The following MAP2 variants were observed in gnomAD, a reference collection of about 807,000 sequenced individuals.
MAP2 encodes microtubule-associated protein 2.
MAP2 carries 14 observed loss-of-function variants against 137.6 expected under a neutral mutation model. That is an observed-to-expected ratio of 0.10 (90% CI 0.07 to 0.16). The LOEUF (loss-of-function observed/expected upper bound fraction) is 0.16. Among genes scored for constraint, MAP2 ranks in the 10% least tolerant of loss-of-function variants. The pLI, the probability that MAP2 is intolerant of heterozygous loss-of-function variation, is 1.00. For missense variants in MAP2, 2,088 were observed against 2,191.5 expected, an observed-to-expected ratio of 0.95 and a Z score of 0.94; for synonymous variants, 786 against 782.3, an observed-to-expected ratio of 1.00 and a Z score of -0.08.
rs771841686 is a variant in MAP2, at chr2:209,723,546, G to A, written c.5074-2163G>A. ...TACCCATTCTGGTTCCCTTTATCCA[G>A]CATCTTGATAGAAAAATGCACAGTG... On this transcript the variant is annotated intron_variant, in intron 13 of 15. Transcript: ENST00000682079. 4.7e-6 allele frequency: 5 copies of A among 1,065,080 alleles called. No homozygotes were observed. The Admixed American group carries it at 5.1e-5, about 11-fold the overall frequency. The allele number at this position is 1,065,080 out of a possible 1,614,324, so 66.0% of individuals were successfully genotyped here. A position where few individuals can be genotyped will look rare whatever the true frequency, so the allele number is the denominator to read the frequency against.
At chr2:209,545,930 G>A (rs2067963564) in intron 2 of MAP2, among the ~76,000 whole-genome samples, 2 of 152,164 alleles carry the variant, frequency 1.3e-5, no homozygotes, top group Admixed American at 6.5e-5. Flanking sequence ...CATGAGGTCA[G>A]GAGATTGAGA....
At chr2:209,508,001 G>A (rs12993084) in intron 2 of MAP2, among the ~76,000 whole-genome samples, 8,796 of 152,084 alleles carry the variant, frequency 0.058, 290 homozygotes, top group South Asian at 0.092. Context: ...TCCTGAATTT[G>A]CAGGAAAACA....
At chr2:209,710,440 A>G (rs1030383803) in intron 13 of MAP2, 186 bp downstream of exon 13, 3 of 586,940 alleles carry the variant, frequency 5.1e-6, no homozygotes, top group African/African-American at 1.9e-5. Context: ...ATCACATGAC[A>G]TGCCCATTCC....
intron 3 of MAP2, among the ~76,000 whole-genome samples, chr2:209,597,580 AATC>A (rs2081615036): frequency 6.6e-6 from 1 of 152,148 alleles, no homozygotes; most frequent in South Asian, 2.1e-4. Flanking sequence ...AATACAATCT[AATC>A]ATGATATTTC....
chr2:209,704,614 G>C, intron 11 of MAP2: 3 of 1,600,978 alleles, frequency 1.9e-6, no homozygotes, highest in Non-Finnish European at 2.6e-6. Context: ...CAAAATCAGG[G>C]AACAAGGTAA....
intron 7 of MAP2, among the ~76,000 whole-genome samples, chr2:209,687,502 T>A (rs1299243429): frequency 6.6e-6 from 1 of 152,080 alleles, no homozygotes; most frequent in East Asian, 1.9e-4. Context: ...AATGGCAAAC[T>A]TGCTTAAGGG....
In MAP2 at chr2:209,490,648, A is replaced by G. The variant is rs1215006917; in HGVS notation, c.-221-16944A>G. Among the ~76,000 whole-genome samples the G allele has an allele frequency of 2.1e-5, 3 of 146,322 alleles. 1 individual carries two copies. The highest frequency in any genetic ancestry group is 1.4e-4 in the Admixed American group (2 of 14,510). ...AAAAAAAAAAAAAGCAGGGATGGCA[A>G]TCCTAGTCTCTGATAAAACAGACTT... On this transcript the variant is annotated intron_variant, in intron 1 of 15. Transcript: ENST00000682079.
At chr2:209,463,685 C>T (rs1356015181) in intron 1 of MAP2, among the ~76,000 whole-genome samples, 2 of 152,042 alleles carry the variant, frequency 1.3e-5, no homozygotes, top group Non-Finnish European at 2.9e-5. Flanking sequence ...CCTAAACTGC[C>T]CAGGATAAAA....
intron 2 of MAP2, among the ~76,000 whole-genome samples, chr2:209,529,469 A>G (rs1210200056): frequency 2.0e-5 from 3 of 152,148 alleles, no homozygotes; most frequent in Admixed American, 6.6e-5. Context: ...AGAAAAGCAT[A>G]TATCTCCTAT....
chr2:209,723,239 C>G (rs2072105592), intron 13 of MAP2, among the ~76,000 whole-genome samples: 1 of 152,190 alleles, frequency 6.6e-6, no homozygotes, highest in Non-Finnish European at 1.5e-5. Context: ...GTATTAACCA[C>G]TATTGAACCT....
intron 5 of MAP2, among the ~76,000 whole-genome samples, chr2:209,668,940 C>G (rs1158835436): frequency 1.3e-5 from 2 of 151,994 alleles, no homozygotes. Flanking sequence ...ATTACTGAAA[C>G]ATGATTATCT....
chr2:209,595,952 T>C (rs1234904270), intron 3 of MAP2, among the ~76,000 whole-genome samples: 3 of 152,000 alleles, frequency 2.0e-5, no homozygotes, highest in Non-Finnish European at 2.9e-5. Flanking sequence ...TCAGGGCCTG[T>C]CATGGGGTAG....
intron 7 of MAP2, among the ~76,000 whole-genome samples, chr2:209,692,060 C>T (rs556539496): frequency 1.3e-5 from 2 of 152,126 alleles, no homozygotes; most frequent in African/African-American, 4.8e-5. Flanking sequence ...TTGGCCCTGA[C>T]ATTTGTTAAT....
chr2:209,713,362 G>A (rs1464202174), intron 13 of MAP2, among the ~76,000 whole-genome samples: 1 of 152,124 alleles, frequency 6.6e-6, no homozygotes, highest in Non-Finnish European at 1.5e-5. Flanking sequence ...TTCTGTTAAG[G>A]TCCAATTTCT....
intron 1 of MAP2, among the ~76,000 whole-genome samples, chr2:209,450,077 G>C (rs1387132763): frequency 2.0e-5 from 3 of 152,072 alleles, no homozygotes; most frequent in African/African-American, 7.2e-5. Context: ...GAGTAGCTGG[G>C]ACTACAGACA....
chr2:209,694,065 C>T lies in MAP2; in HGVS notation c.1895C>T (p.Ala632Val), dbSNP rs757577771. 20 of 1,613,008 alleles carry T rather than the reference C, an allele frequency of 1.2e-5. No homozygotes were observed. The Admixed American group carries it at 2.8e-4, about 23-fold the overall frequency. ...AAAGAATCCCAGCCCAGTCCTCCAG[C>T]ACAAGAAGCAGGGTACAGCACTCTC... The part of the protein sequence containing the change: ...TGKESQPSPP[A>V]QEAGYSTLAQ... Residue 632 changes from alanine to valine, a missense_variant, in exon 8 of 16, where the codon GCA (alanine) becomes GTA (valine). Physicochemically the swap from Ala to Val is moderately conservative, Grantham distance 64. Around this residue, in one of 6 missense-constraint regions of MAP2, gnomAD observed 859 missense variants for 794.5 expected, o/e 1.08. Transcript: ENST00000682079.
At chr2:209,698,241 A>G (rs1208475478) in intron 10 of MAP2, among the ~76,000 whole-genome samples, 1 of 152,206 alleles carries the variant, frequency 6.6e-6, no homozygotes, top group Non-Finnish European at 1.5e-5. Flanking sequence ...GGAAACCATC[A>G]TAAAAACCCC....
At chr2:209,512,023 A>AC (rs765486616) in intron 2 of MAP2, among the ~76,000 whole-genome samples, 6 of 151,986 alleles carry the variant, frequency 3.9e-5, no homozygotes, top group Admixed American at 2.0e-4. Flanking sequence ...CTCTGGCTTA[A>AC]CCTCTGATGC....
chr2:209,558,175 A>G (rs2071120652), intron 2 of MAP2, among the ~76,000 whole-genome samples: 1 of 151,880 alleles, frequency 6.6e-6, no homozygotes, highest in African/African-American at 2.4e-5. Context: ...ACACACACAC[A>G]TATTCTTATT....
Sources: gnomAD v4.1 joint callset for allele counts (sites outside exome capture counted in the v4.1 genomes callset) on GRCh38, gnomAD v4.1.1 for gene constraint, gnomAD v4.1.1 regional missense constraint, MANE v1.5 for transcripts, NCBI Gene and HGNC (gene_info 2026-07-23, HGNC 2026-07-21) for gene names.